Variants in ZCCHC14 observed in about 807,000 individuals in gnomAD.
ZCCHC14 encodes the protein zinc finger CCHC domain-containing protein 14.
A neutral mutation model predicts 85.0 loss-of-function variants in ZCCHC14; 16 were observed. That is an observed-to-expected ratio of 0.19 (90% CI 0.13 to 0.29). The LOEUF is 0.29. Among genes scored for constraint, ZCCHC14 ranks in the 10% least tolerant of loss-of-function variants. The pLI is 1.00. For synonymous variants in ZCCHC14, 775 were observed against 630.7 expected, an observed-to-expected ratio of 1.23 and a Z score of -3.43; for missense variants, 1,303 against 1,443.5, an observed-to-expected ratio of 0.90 and a Z score of 1.58.
chr16:87,487,784 A>G (rs1218281523), intron 1 of ZCCHC14, among the ~76,000 whole-genome samples: 3 of 152,262 alleles, frequency 2.0e-5, no homozygotes, highest in Non-Finnish European at 4.4e-5. Context: ...CTCTTCACAC[A>G]GGGGAACGCC....
intron 2 of ZCCHC14, among the ~76,000 whole-genome samples, chr16:87,448,030 C>T (rs1910523759): frequency 6.6e-6 from 1 of 152,068 alleles, no homozygotes; most frequent in South Asian, 2.1e-4. Context: ...CTTTTTTCTG[C>T]TGGTAGAAAA....
chr16:87,484,631 G>A (rs1403936007), intron 1 of ZCCHC14, among the ~76,000 whole-genome samples: 4 of 152,282 alleles, frequency 2.6e-5, no homozygotes, highest in South Asian at 2.1e-4. Context: ...CAACCTATTC[G>A]CGGGTACCAG....
At chr16:87,434,955 C>T (rs1467262201) in intron 2 of ZCCHC14, among the ~76,000 whole-genome samples, 1 of 128,236 alleles carries the variant, frequency 7.8e-6, no homozygotes, top group Non-Finnish European at 1.5e-5. Flanking sequence ...CGCGCCATTG[C>T]ACTCCAGCCT....
At chr16:87,487,744 CCGCTGAAGAATG>C (rs1363935596) in intron 1 of ZCCHC14, among the ~76,000 whole-genome samples, 1 of 152,232 alleles carries the variant, frequency 6.6e-6, no homozygotes, top group Non-Finnish European at 1.5e-5. Context: ...CAAGGTCCAC[CCGCTGAAGAATG>C]CGTGAGCACA....
At chr16:87,422,280 C>G (rs551427730) in intron 4 of ZCCHC14, among the ~76,000 whole-genome samples, 2 of 152,070 alleles carry the variant, frequency 1.3e-5, no homozygotes, top group Non-Finnish European at 1.5e-5. Flanking sequence ...GAAACGGGCA[C>G]AGGAACCACC....
At chr16:87,443,219 T>C (rs1169362240) in intron 2 of ZCCHC14, among the ~76,000 whole-genome samples, 1 of 152,234 alleles carries the variant, frequency 6.6e-6, no homozygotes, top group Non-Finnish European at 1.5e-5. Context: ...GGCAGAGGCC[T>C]GGATGGTGGT....
chr16:87,444,089 G>A (rs1050135149), intron 2 of ZCCHC14, among the ~76,000 whole-genome samples: 11 of 149,942 alleles, frequency 7.3e-5, no homozygotes, highest in South Asian at 2.1e-4. Context: ...ACACAGAAAC[G>A]GCCCTGTGGA....
At chr16:87,414,616 T>C (rs1597398987) in intron 9 of ZCCHC14, 75 bp from the exon 10 acceptor site, 1 of 1,524,988 alleles carries the variant, frequency 6.6e-7, no homozygotes, top group South Asian at 1.3e-5. Context: ...TCAAGACGGG[T>C]CTACTCCACA....
At chr16:87,425,112 G>C (rs1909300856) in intron 3 of ZCCHC14, among the ~76,000 whole-genome samples, 1 of 151,894 alleles carries the variant, frequency 6.6e-6, no homozygotes, top group Non-Finnish European at 1.5e-5. Flanking sequence ...GTCACTCCTG[G>C]GTCTGTTTCA....
At chr16:87,447,563 T>G (rs1046433693) in intron 2 of ZCCHC14, among the ~76,000 whole-genome samples, 2 of 152,218 alleles carry the variant, frequency 1.3e-5, no homozygotes, top group African/African-American at 4.8e-5. Flanking sequence ...CTGAGTTCTC[T>G]TCCATTGTAT....
rs1427094560 is a variant in ZCCHC14 at position 87,406,580 on chromosome 16, C to G, written c.*3700G>C. On this transcript the variant is annotated 3_prime_UTR_variant, in exon 13 of 13. Coordinates refer to ENST00000671377, the MANE Select transcript of ZCCHC14 (RefSeq NM_015144.3). ...TACACAAGGTGTCCAGTTTCAGTAC[C>G]AAAGCCTTCTCTTTTTGTGCACGTA... is the stretch of plus-strand genomic sequence containing the variant. 2 of 152,416 alleles carry G rather than the reference C, an allele frequency of 1.3e-5. No individual in the cohort carries two copies. The highest frequency in any genetic ancestry group is 2.9e-5 in the Non-Finnish European group (2 of 68,046). The allele number at this position is 152,416 out of a possible 1,614,324, so 9.4% of individuals were successfully genotyped here.
chr16:87,444,147 G>A (rs1476040205), intron 2 of ZCCHC14, among the ~76,000 whole-genome samples: 1 of 152,004 alleles, frequency 6.6e-6, no homozygotes, highest in Admixed American at 6.5e-5. Flanking sequence ...TCCATCAGCA[G>A]GGCACACACA....
At chr16:87,426,445 G>A (rs900788244) in intron 3 of ZCCHC14, among the ~76,000 whole-genome samples, 4 of 152,194 alleles carry the variant, frequency 2.6e-5, no homozygotes, top group Admixed American at 6.5e-5. Context: ...TTATCTGGAC[G>A]AATTGTAATG....
In ZCCHC14 at chr16:87,409,939, A is replaced by T. The variant is rs1397352965; in HGVS notation, c.*341T>A. On this transcript the variant is annotated 3_prime_UTR_variant, in exon 13 of 13. Transcript: ENST00000671377. ...TCGGTTCTCGATTCAGACCACGTGT[A>T]GCTGCCCTGGAATTGACGTGTGAGC... The T allele has an allele frequency of 5.1e-6, 1 of 196,752 alleles. No individual in the cohort carries two copies. The allele number at this position is 196,752 out of a possible 1,614,324, so 12.2% of individuals were successfully genotyped here.
At chr16:87,456,297 G>C (rs11646650) in intron 2 of ZCCHC14, among the ~76,000 whole-genome samples, 3 of 152,022 alleles carry the variant, frequency 2.0e-5, no homozygotes, top group African/African-American at 4.8e-5. Context: ...TTGGGAAGCC[G>C]AGGCGGGCGG....
intron 1 of ZCCHC14, among the ~76,000 whole-genome samples, chr16:87,477,509 T>C (rs1036005136): frequency 8.5e-5 from 13 of 152,234 alleles, no homozygotes; most frequent in Non-Finnish European, 1.2e-4. Flanking sequence ...TCATTTCATA[T>C]TCCTCAGGTT....
chr16:87,459,984 C>A, intron 2 of ZCCHC14, 24 bp downstream of exon 2: 1 of 1,614,066 alleles, frequency 6.2e-7, no homozygotes, highest in Non-Finnish European at 8.5e-7. Flanking sequence ...CAGACGTCCT[C>A]CTGAAACCCG....
At position 87,424,258 on chromosome 16, in the gene ZCCHC14, T is replaced by C. The variant is rs1032113207; in HGVS notation, c.769-377A>G. On this transcript the variant is annotated intron_variant, in intron 3 of 12. Transcript: ENST00000671377. ...GTGCCTCAGATGCAAGAGCGACACA[T>C]TCCCAGAGAGCAGCCCTTCGACCAC... 3.9e-5 allele frequency among the ~76,000 whole-genome samples: 6 copies of C among 152,280 alleles called. No homozygotes were observed. In the South Asian group the frequency reaches 1.2e-3, roughly 32 times the overall value.
chr16:87,477,674 C>T (rs1158908119), intron 1 of ZCCHC14, among the ~76,000 whole-genome samples: 1 of 152,194 alleles, frequency 6.6e-6, no homozygotes, highest in Non-Finnish European at 1.5e-5. Context: ...AAAAATAGAA[C>T]TTGACTCATG....
Sources: allele counts gnomAD v4.1 joint callset (sites outside exome capture counted in the v4.1 genomes callset), GRCh38; gene constraint gnomAD v4.1.1; transcripts MANE v1.5; gene names NCBI Gene and HGNC (gene_info 2026-07-23, HGNC 2026-07-21).